FAM210A: variants seen among roughly 807,000 people sequenced by gnomAD.
The protein encoded by FAM210A is mitochondrial inner membrane scaffold 1.
Under a neutral mutation model 25.3 loss-of-function variants are expected in FAM210A, and 13 were observed. The ratio of observed to expected loss-of-function variants is 0.51; its 90% CI spans 0.33 to 0.82. The LOEUF is 0.82. FAM210A is among the 40% of genes least tolerant of loss of function. FAM210A has a pLI of 0.02. For missense variants in FAM210A, 319 were observed against 323.2 expected, an observed-to-expected ratio of 0.99 and a Z score of 0.10; for synonymous variants, 125 against 118.7, an observed-to-expected ratio of 1.05 and a Z score of -0.35.
At chr18:13,674,028 A>T (rs9748821) in intron 2 of FAM210A, among the ~76,000 whole-genome samples, 1 of 147,106 alleles carries the variant, frequency 6.8e-6, no homozygotes, top group Admixed American at 6.8e-5. Flanking sequence ...CTGATTATTA[A>T]CATTCCTGAG....
intron 1 of FAM210A, among the ~76,000 whole-genome samples, chr18:13,688,381 G>C (rs2043615108): frequency 6.6e-6 from 1 of 152,194 alleles, no homozygotes; most frequent in Non-Finnish European, 1.5e-5. Context: ...GGGAGAAGTG[G>C]CTGGACGTCA....
At position 13,681,918 on chromosome 18, in the gene FAM210A, G is replaced by C. The variant is rs764167668; in HGVS notation, c.160C>G (p.Gln54Glu). ...TGGGCAGCAGATAAATGCAACCATT[G>C]TTTTTGAGGGCCTTGTACCAAAACC... ...KVVLVQGPQK[Q>E]WLHLSAAQCV... is the part of the protein sequence containing the mutation. The change falls in exon 2 of 4, where the codon CAA (glutamine) becomes GAA (glutamate). Residue 54 changes from glutamine (Q) to glutamate (E), a missense_variant. Coordinates refer to ENST00000651643, the MANE Select transcript of FAM210A (RefSeq NM_152352.4). 5 of 1,614,124 alleles carry C rather than the reference G, an allele frequency of 3.1e-6. No homozygotes were observed. The highest frequency in any genetic ancestry group is 4.2e-6 in the Non-Finnish European group (5 of 1,180,036).
intron 1 of FAM210A, among the ~76,000 whole-genome samples, chr18:13,724,867 G>A (rs527344258): frequency 3.3e-5 from 5 of 152,184 alleles, no homozygotes; most frequent in Admixed American, 3.3e-4. Flanking sequence ...TCCGCCTTCC[G>A]GGTTTAAGCG....
chr18:13,700,442 G>T (rs1193609896), intron 1 of FAM210A, among the ~76,000 whole-genome samples: 2 of 152,120 alleles, frequency 1.3e-5, no homozygotes, highest in Non-Finnish European at 2.9e-5. Flanking sequence ...TTTAACCTAA[G>T]AATTGGTTAA....
intron 2 of FAM210A, among the ~76,000 whole-genome samples, chr18:13,674,958 G>C (rs1240797475): frequency 1.1e-4 from 15 of 140,602 alleles, no homozygotes; most frequent in African/African-American, 3.7e-4. Context: ...CCAGTTTCCT[G>C]ATTATTAACA....
chr18:13,692,551 T>A (rs2149061696), intron 1 of FAM210A, among the ~76,000 whole-genome samples: 1 of 152,328 alleles, frequency 6.6e-6, no homozygotes, highest in South Asian at 2.1e-4. Context: ...TATAACAAAC[T>A]GTCTCTCAGA....
chr18:13,681,318 C>T (rs536975876), intron 2 of FAM210A, among the ~76,000 whole-genome samples: 162 of 152,298 alleles, frequency 1.1e-3, no homozygotes, highest in African/African-American at 3.8e-3. Flanking sequence ...TTTTACTTCT[C>T]CTTGCCTAAT....
intron 1 of FAM210A, among the ~76,000 whole-genome samples, chr18:13,718,538 A>G (rs1457697103): frequency 1.3e-5 from 2 of 152,064 alleles, no homozygotes; most frequent in Non-Finnish European, 2.9e-5. Flanking sequence ...AAAAAAAAAG[A>G]AAAAAGAACT....
chr18:13,666,203 G>C lies in FAM210A; in HGVS notation c.*277C>G, dbSNP rs1213141368. 1 of 359,962 alleles carries C rather than the reference G, an allele frequency of 2.8e-6. No homozygotes were observed. The highest frequency in any genetic ancestry group is 4.3e-5 in the Admixed American group (1 of 23,362). The allele number at this position is 359,962 out of a possible 1,614,324, so 22.3% of individuals were successfully genotyped here. On this transcript the variant is annotated 3_prime_UTR_variant, in exon 4 of 4. Coordinates refer to ENST00000651643, the MANE Select transcript of FAM210A (RefSeq NM_152352.4). ...CAAAACAGAAATCAAGTGTGGTTCT[G>C]AAGACCTTGAAAAAGAAGTCTGACT...
intron 1 of FAM210A, among the ~76,000 whole-genome samples, chr18:13,716,748 C>T (rs191049516): frequency 6.6e-6 from 1 of 152,288 alleles, no homozygotes; most frequent in Non-Finnish European, 1.5e-5. Flanking sequence ...CTCTCCCTGC[C>T]TCCTGTTGCT....
At chr18:13,724,202 G>T (rs1198029853) in intron 1 of FAM210A, among the ~76,000 whole-genome samples, 1 of 152,002 alleles carries the variant, frequency 6.6e-6, no homozygotes, top group East Asian at 1.9e-4. Flanking sequence ...TCATAACCCA[G>T]GCATTAAGAA....
chr18:13,688,031 C>T (rs1009468650), intron 1 of FAM210A: 2 of 152,152 alleles, frequency 1.3e-5, no homozygotes, highest in South Asian at 2.1e-4. Flanking sequence ...AAACAGAAAC[C>T]GGCTCTCCAA....
intron 1 of FAM210A, among the ~76,000 whole-genome samples, chr18:13,713,500 T>C (rs1327489779): frequency 1.3e-5 from 2 of 152,196 alleles, no homozygotes; most frequent in Non-Finnish European, 2.9e-5. Flanking sequence ...TACACATACA[T>C]AAATAATCCT....
At chr18:13,704,950 T>C (rs934933487) in intron 1 of FAM210A, among the ~76,000 whole-genome samples, 1 of 152,214 alleles carries the variant, frequency 6.6e-6, no homozygotes, top group Non-Finnish European at 1.5e-5. Flanking sequence ...TCCTAGAATA[T>C]GGTGTCTTTT....
intron 1 of FAM210A, among the ~76,000 whole-genome samples, chr18:13,709,470 T>C (rs189476139): frequency 2.6e-5 from 4 of 152,356 alleles, no homozygotes; most frequent in East Asian, 1.9e-4. Flanking sequence ...CTTCGCCTCC[T>C]GGAAGCCTTT....
chr18:13,692,487 T>G (rs920647614), intron 1 of FAM210A, among the ~76,000 whole-genome samples: 15 of 152,166 alleles, frequency 9.9e-5, no homozygotes, highest in Non-Finnish European at 1.9e-4. Flanking sequence ...ATTCCAAAAC[T>G]GACCACATAG....
Position 13,717,556 on chromosome 18 carries a change from G to C in FAM210A, c.-29+8773C>G, listed in dbSNP as rs540125938. Among the ~76,000 whole-genome samples, 21 of 149,860 alleles carry C rather than the reference G, an allele frequency of 1.4e-4. No individual in the cohort carries two copies. In the South Asian group the frequency reaches 4.5e-3, roughly 32 times the overall value. ...ACGTTGGTCAGCTGCATGACAGACT[G>C]TGAAAAGAAAGGAAAAATACAGAAT... is the stretch of plus-strand genomic sequence containing the variant. On this transcript the variant is annotated intron_variant, in intron 1 of 3. Transcript: ENST00000651643.
intron 1 of FAM210A, among the ~76,000 whole-genome samples, chr18:13,696,417 G>C (rs1038374658): frequency 1.3e-5 from 2 of 152,118 alleles, no homozygotes; most frequent in Admixed American, 1.3e-4. Context: ...CATACTGCTA[G>C]GAAAATGAAA....
chr18:13,715,593 G>C (rs150128968), intron 1 of FAM210A, among the ~76,000 whole-genome samples: 1 of 152,252 alleles, frequency 6.6e-6, no homozygotes, highest in African/African-American at 2.4e-5. Flanking sequence ...TCATGGGTAT[G>C]TTACCACCAC....
Sources: gnomAD v4.1 joint callset for allele counts (sites outside exome capture counted in the v4.1 genomes callset) on GRCh38, gnomAD v4.1.1 for gene constraint, MANE v1.5 for transcripts, NCBI Gene and HGNC (gene_info 2026-07-23, HGNC 2026-07-21) for gene names.